VSNL1: variants seen among roughly 807,000 people sequenced by gnomAD.
The protein encoded by VSNL1 is visinin like 1, also known as visinin-like protein 1.
Under a neutral mutation model 20.4 loss-of-function variants are expected in VSNL1, and 6 were observed. The observed-to-expected ratio is 0.29, with a 90% CI of 0.16 to 0.58. The LOEUF (loss-of-function observed/expected upper bound fraction) is 0.58. VSNL1 is among the 20% of genes least tolerant of loss of function. VSNL1 has a pLI of 0.90. For missense variants in VSNL1, 100 were observed against 234.5 expected (o/e 0.43, Z 3.75); for synonymous variants, 93 against 86.4 (o/e 1.08, Z -0.42).
chr2:17,543,904 C>CT (rs1364575149), intron 1 of VSNL1, among the ~76,000 whole-genome samples: 14 of 152,144 alleles, frequency 9.2e-5, no homozygotes, highest in African/African-American at 2.9e-4. Context: ...TAAAAATTCT[C>CT]TGAGTGCCTA....
chr2:17,638,888 C>T (rs1273388726), intron 2 of VSNL1, among the ~76,000 whole-genome samples: 1 of 152,200 alleles, frequency 6.6e-6, no homozygotes, highest in Non-Finnish European at 1.5e-5. Context: ...AGTATTTTGC[C>T]AGCTCCCCGT....
rs200239619 is a variant in VSNL1, at chr2:17,559,408, C to CAA, written c.-6+18500_-6+18501dup. On this transcript the variant is annotated intron_variant, in intron 1 of 3. Coordinates refer to ENST00000295156, the MANE Select transcript of VSNL1 (RefSeq NM_003385.5). Reference sequence around the variant, plus strand: ...TTAAAATGTGATATTTAAAAACCAGCAAAAAAAAAAACAACAACAGCTTTT... The same window carrying CAA: ...TTAAAATGTGATATTTAAAAACCAGCAAAAAAAAAAAAACAACAACAGCTTTT... 6.7e-3 allele frequency among the ~76,000 whole-genome samples: 855 copies of CAA among 126,872 alleles called. 13 individuals carry two copies. The highest frequency in any genetic ancestry group is 0.021 in the African/African-American group (771 of 36,976). 83.2% of individuals were successfully genotyped at this position (126,872 alleles called of 152,430 possible). A position where few individuals can be genotyped will look rare whatever the true frequency, so the allele number is the denominator to read the frequency against.
At chr2:17,565,929 A>G (rs1244359891) in intron 1 of VSNL1, among the ~76,000 whole-genome samples, 11 of 152,134 alleles carry the variant, frequency 7.2e-5, no homozygotes, top group East Asian at 3.9e-4. Context: ...CCTTGCTTCA[A>G]TGGGCACTGA....
intron 1 of VSNL1, among the ~76,000 whole-genome samples, chr2:17,553,718 T>G (rs1292850863): frequency 6.6e-6 from 1 of 152,268 alleles, no homozygotes; most frequent in Non-Finnish European, 1.5e-5. Context: ...CTTAGCCAAA[T>G]AATTTAATCT....
At chr2:17,581,278 A>G (rs1370441774) in intron 1 of VSNL1, among the ~76,000 whole-genome samples, 1 of 152,054 alleles carries the variant, frequency 6.6e-6, no homozygotes, top group Non-Finnish European at 1.5e-5. Flanking sequence ...TTCCTCCATT[A>G]TATTGTATTT....
chr2:17,593,051 A>G (rs1025164454), intron 2 of VSNL1, among the ~76,000 whole-genome samples: 2 of 152,242 alleles, frequency 1.3e-5, no homozygotes, highest in South Asian at 2.1e-4. Context: ...ATTGCTTTAT[A>G]TCATTTAATT....
In VSNL1 at chr2:17,655,567, A is replaced by T. The variant is rs1443869147; in HGVS notation, c.*173A>T. 1.6e-6 allele frequency: 1 copy of T among 611,384 alleles called. No homozygotes were observed. The highest frequency in any genetic ancestry group is 3.2e-5 in the Admixed American group (1 of 31,346). 37.9% of individuals were successfully genotyped at this position (611,384 alleles called of 1,614,324 possible). A position where few individuals can be genotyped will look rare whatever the true frequency, so the allele number is the denominator to read the frequency against. On this transcript the variant is annotated 3_prime_UTR_variant, in exon 4 of 4. Coordinates refer to ENST00000295156, the MANE Select transcript of VSNL1 (RefSeq NM_003385.5). The surrounding 1 kb of genome is among the most constrained non-coding windows in gnomAD (Gnocchi z 5.2). ...GTTTGAAACACTCGTGTGCATGAGA[A>T]TGTCATTTGCTAATGAATTTTAAAA...
chr2:17,650,980 C>A (rs1439469712), intron 3 of VSNL1, among the ~76,000 whole-genome samples: 1 of 152,206 alleles, frequency 6.6e-6, no homozygotes, highest in Non-Finnish European at 1.5e-5. Flanking sequence ...AAAGATACAG[C>A]ACAATAATTC....
intron 2 of VSNL1, among the ~76,000 whole-genome samples, chr2:17,596,190 C>T (rs1664706869): frequency 6.6e-6 from 1 of 152,164 alleles, no homozygotes; most frequent in Admixed American, 6.5e-5. Context: ...AGAAAGATGC[C>T]TTCTGTCCCA....
At chr2:17,574,100 G>T (rs1664145495) in intron 1 of VSNL1, among the ~76,000 whole-genome samples, 1 of 152,076 alleles carries the variant, frequency 6.6e-6, no homozygotes, top group African/African-American at 2.4e-5. Flanking sequence ...AATTTCCATT[G>T]ACTTCAAGTT....
intron 1 of VSNL1, among the ~76,000 whole-genome samples, chr2:17,549,558 C>G (rs1477387188): frequency 2.6e-5 from 4 of 152,072 alleles, no homozygotes; most frequent in Non-Finnish European, 5.9e-5. Flanking sequence ...CATTCTAGAT[C>G]AAGTGCATAA....
chr2:17,564,453 T>C (rs1663890533), intron 1 of VSNL1, among the ~76,000 whole-genome samples: 1 of 152,238 alleles, frequency 6.6e-6, no homozygotes, highest in African/African-American at 2.4e-5. Context: ...CCAATACTTA[T>C]GCTTAGGATT....
At position 17,649,180 on chromosome 2, in the gene VSNL1, T is replaced by A. The variant is rs1185143820; in HGVS notation, c.163-230T>A. On this transcript the variant is annotated intron_variant, in intron 2 of 3. Transcript: ENST00000295156. This position sits in a 1 kb window ranked among gnomAD's most constrained non-coding sequence, Gnocchi z 6.4. ...AGCCCCATCAACTGAAAGCCACATG[T>A]CACCAGCCTCACCCACAGGAAACAA... is the stretch of plus-strand genomic sequence containing the variant. 6.6e-6 allele frequency among the ~76,000 whole-genome samples: 1 copy of A among 152,066 alleles called. No homozygotes were observed. Among genetic ancestry groups the A allele is most frequent in the Non-Finnish European group, 1.5e-5 (1 of 68,006 alleles).
intron 2 of VSNL1, among the ~76,000 whole-genome samples, chr2:17,605,245 T>A (rs1405444458): frequency 6.6e-6 from 1 of 152,228 alleles, no homozygotes; most frequent in African/African-American, 2.4e-5. Context: ...GCAGCAAAGA[T>A]CCTTCTCTGC....
chr2:17,652,121 T>C (rs2103433007), intron 3 of VSNL1, among the ~76,000 whole-genome samples: 1 of 152,310 alleles, frequency 6.6e-6, no homozygotes, highest in South Asian at 2.1e-4. Context: ...ACCAGCCCCA[T>C]GTGTTGTGAT....
intron 1 of VSNL1, among the ~76,000 whole-genome samples, chr2:17,550,963 A>G (rs968743958): frequency 6.6e-6 from 1 of 152,224 alleles, no homozygotes; most frequent in African/African-American, 2.4e-5. Flanking sequence ...GGAAGAAATC[A>G]TGTCTGATAC....
intron 2 of VSNL1, among the ~76,000 whole-genome samples, chr2:17,621,942 C>T (rs910116606): frequency 6.6e-6 from 1 of 152,064 alleles, no homozygotes; most frequent in African/African-American, 2.4e-5. Context: ...ACTAACAGTT[C>T]CAGGGGAGCG....
intron 1 of VSNL1, chr2:17,567,377 T>TTC (rs1558284156): frequency 1.4e-5 from 2 of 147,412 alleles, no homozygotes; most frequent in Non-Finnish European, 3.0e-5. Context: ...TTTTTTTTTT[T>TTC]AGAAGGAGTC....
At chr2:17,590,482 C>T (rs543050591) in intron 1 of VSNL1, among the ~76,000 whole-genome samples, 1 of 152,010 alleles carries the variant, frequency 6.6e-6, no homozygotes, top group African/African-American at 2.4e-5. Context: ...TAGAGAAGCC[C>T]CATGACAAAG....
Sources: allele counts gnomAD v4.1 joint callset (sites outside exome capture counted in the v4.1 genomes callset), GRCh38; gene constraint gnomAD v4.1.1; non-coding constraint Gnocchi (gnomAD v3.1); transcripts MANE v1.5; gene names NCBI Gene and HGNC (gene_info 2026-07-23, HGNC 2026-07-21).